The following PTBP3 variants were observed in gnomAD, a reference collection of about 807,000 sequenced individuals.
PTBP3 encodes the protein polypyrimidine tract-binding protein 3.
PTBP3 carries 20 observed loss-of-function variants against 58.7 expected under a neutral mutation model. The ratio of observed to expected loss-of-function variants is 0.34; its 90% CI spans 0.24 to 0.50. The LOEUF (loss-of-function observed/expected upper bound fraction) is 0.50, where lower values mean the gene tolerates loss of function less well. PTBP3 is among the 20% of genes least tolerant of loss of function. The pLI is 0.98. For missense variants in PTBP3, 509 were observed against 637.2 expected (o/e 0.80, Z 2.17); for synonymous variants, 185 against 219.8 (o/e 0.84, Z 1.40).
chr9:112,369,713 G>A, the PTBP3 span, among the ~76,000 whole-genome samples: 3 of 152,142 alleles, frequency 2.0e-5, no homozygotes, highest in Non-Finnish European at 4.4e-5. Context: ...GGGACTGTTG[G>A]GAAGGCATGA....
rs1333187356 is a variant in PTBP3 at position 112,286,211 on chromosome 9, G to T, written c.35-10198C>A. 2.6e-5 allele frequency among the ~76,000 whole-genome samples: 4 copies of T among 152,124 alleles called. No individual in the cohort carries two copies. The East Asian group carries it at 7.7e-4, about 29-fold the overall frequency. On this transcript the variant is annotated intron_variant, in intron 2 of 13. Coordinates refer to ENST00000374257, the MANE Select transcript of PTBP3 (RefSeq NM_001163788.4). ...ACCTGAGATTTCATATTTAAAATGGGTTTCTTATACACATCAAGTAACTCA... is the reference window on the plus strand; with the variant it reads ...ACCTGAGATTTCATATTTAAAATGGTTTTCTTATACACATCAAGTAACTCA...
intron 4 of PTBP3, among the ~76,000 whole-genome samples, chr9:112,267,287 T>A (rs746552625): frequency 6.6e-6 from 1 of 151,326 alleles, no homozygotes; most frequent in Non-Finnish European, 1.5e-5. Flanking sequence ...TGTCTCAGCC[T>A]CCTGAGTAGC....
chr9:112,257,940 C>CAAAA (rs56934009), intron 5 of PTBP3, among the ~76,000 whole-genome samples: 1 of 119,328 alleles, frequency 8.4e-6, no homozygotes, highest in Non-Finnish European at 1.9e-5. Context: ...GACTCCATCT[C>CAAAA]AAAAAAAAAA....
At chr9:112,298,472 C>T (rs1230690778) in intron 1 of PTBP3, 2 of 446,888 alleles carry the variant, frequency 4.5e-6, no homozygotes, top group Non-Finnish European at 8.7e-6. Context: ...GATCAACTTC[C>T]AAATCTGAAC....
At chr9:112,284,304 C>T (rs544378689) in intron 2 of PTBP3, among the ~76,000 whole-genome samples, 4 of 152,302 alleles carry the variant, frequency 2.6e-5, no homozygotes, top group South Asian at 2.1e-4. Flanking sequence ...GCAAAGCCAC[C>T]GGGGCGGAGA....
At chr9:112,240,904 GAA>G (rs1315945301) in intron 7 of PTBP3, among the ~76,000 whole-genome samples, 1 of 151,568 alleles carries the variant, frequency 6.6e-6, no homozygotes, top group Non-Finnish European at 1.5e-5. Flanking sequence ...AAGTTTAATA[GAA>G]AAAAGTTTAC....
chr9:112,312,277 G>A (rs1829511608), intron 1 of PTBP3, among the ~76,000 whole-genome samples: 1 of 151,992 alleles, frequency 6.6e-6, no homozygotes, highest in South Asian at 2.1e-4. Flanking sequence ...AAGGCCACGA[G>A]TTCGAGACCA....
intron 2 of PTBP3, among the ~76,000 whole-genome samples, chr9:112,290,469 C>T (rs1261379231): frequency 1.3e-5 from 2 of 151,564 alleles, no homozygotes; most frequent in East Asian, 1.9e-4. Context: ...GTCAAGAGTT[C>T]GAGACCAGCC....
At chr9:112,351,677 C>G in the PTBP3 span, among the ~76,000 whole-genome samples, 4 of 152,288 alleles carry the variant, frequency 2.6e-5, no homozygotes, top group African/African-American at 2.4e-5. Flanking sequence ...TTAATTATAT[C>G]AGTATGGACT....
upstream of PTBP3, among the ~76,000 whole-genome samples, chr9:112,335,088 T>A (rs1305039439): frequency 6.6e-6 from 1 of 152,134 alleles, no homozygotes; most frequent in African/African-American, 2.4e-5. Flanking sequence ...GTTGATGAAA[T>A]TTCCTTAACC....
intron 8 of PTBP3, among the ~76,000 whole-genome samples, chr9:112,233,248 G>A (rs974351000): frequency 6.7e-6 from 1 of 150,354 alleles, no homozygotes; most frequent in Non-Finnish European, 1.5e-5. Flanking sequence ...CATGAGCTAA[G>A]AGCACAGTTG....
chr9:112,273,869 A>G (rs532945862), intron 3 of PTBP3, among the ~76,000 whole-genome samples: 3 of 152,350 alleles, frequency 2.0e-5, no homozygotes, highest in African/African-American at 7.2e-5. Flanking sequence ...GATATTTTCT[A>G]AACAGGATTT....
intron 7 of PTBP3, 129 bp downstream of exon 7, chr9:112,250,800 G>C (rs933414898): frequency 2.2e-6 from 2 of 902,906 alleles, no homozygotes; most frequent in Non-Finnish European, 3.1e-6. Context: ...TTTGTTCTAG[G>C]ATTCTTGCTT....
At chr9:112,224,068 C>T (rs920890752) in intron 13 of PTBP3, 65 bp downstream of exon 13, 2 of 1,550,396 alleles carry the variant, frequency 1.3e-6, no homozygotes, top group South Asian at 2.3e-5. Context: ...CTTCACTGAA[C>T]TACCTTTAAA....
intron 7 of PTBP3, among the ~76,000 whole-genome samples, chr9:112,243,719 G>A (rs1835754728): frequency 6.6e-6 from 1 of 152,170 alleles, no homozygotes; most frequent in Middle Eastern, 3.2e-3. Flanking sequence ...TTGTACTTCT[G>A]TATTACCAAC....
chr9:112,341,363 T>A, the PTBP3 span, among the ~76,000 whole-genome samples: 2 of 152,134 alleles, frequency 1.3e-5, no homozygotes, highest in African/African-American at 2.4e-5. Context: ...AACTCCTGAC[T>A]TCCAGTGATC....
chr9:112,218,266 T>C (rs1403913315), downstream of PTBP3: 1 of 152,226 alleles, frequency 6.6e-6, no homozygotes, highest in African/African-American at 2.4e-5. Context: ...AGACAGTTAA[T>C]AGATTTTGTG....
chr9:112,228,331 C>T lies in PTBP3; in HGVS notation c.1147+49G>A, dbSNP rs755183790. 28 of 1,381,644 alleles carry T rather than the reference C, an allele frequency of 2.0e-5. No individual in the cohort carries two copies. The South Asian group carries it at 3.6e-4, about 18-fold the overall frequency. The allele number at this position is 1,381,644 out of a possible 1,614,324, so 85.6% of individuals were successfully genotyped here. ...TGTATTTTGAAGGAAAATTCACACA[C>T]AAAAGGGGCAAGTTCACATTATTAT... On this transcript the variant is annotated intron_variant, in intron 11 of 13. Coordinates refer to ENST00000374257, the MANE Select transcript of PTBP3 (RefSeq NM_001163788.4).
chr9:112,292,129 G>C (rs1241999463), intron 2 of PTBP3, among the ~76,000 whole-genome samples: 1 of 152,126 alleles, frequency 6.6e-6, no homozygotes, highest in Non-Finnish European at 1.5e-5. Flanking sequence ...GACTTGAATA[G>C]ACATTTCTCT....
Sources: allele counts gnomAD v4.1 joint callset (sites outside exome capture counted in the v4.1 genomes callset), GRCh38; gene constraint gnomAD v4.1.1; transcripts MANE v1.5; gene names NCBI Gene and HGNC (gene_info 2026-07-23, HGNC 2026-07-21).